TBC1D30: variants seen among roughly 807,000 people sequenced by gnomAD.
TBC1D30 encodes TBC1 domain family member 30.
In TBC1D30, 31 loss-of-function variants were observed where a neutral mutation model predicts 63.2. The observed-to-expected ratio is 0.49, with a 90% CI of 0.37 to 0.66. TBC1D30 has a LOEUF of 0.66. TBC1D30 is among the 30% of genes least tolerant of loss of function. TBC1D30 has a pLI of 0.00. For missense variants in TBC1D30, 810 were observed against 953.6 expected (o/e 0.85, Z 1.98); for synonymous variants, 307 against 361.5 (o/e 0.85, Z 1.71).
At position 64,876,105 on chromosome 12, in the gene TBC1D30, CTTCTG is replaced by C. The variant is rs757714987; in HGVS notation, c.*323_*327del. 70 of 251,440 alleles carry C rather than the reference CTTCTG, an allele frequency of 2.8e-4. No homozygotes were observed. The highest frequency in any genetic ancestry group is 1.6e-3 in the Admixed American group (31 of 19,952). The allele number at this position is 251,440 out of a possible 1,614,324, so 15.6% of individuals were successfully genotyped here. ...TCTAGATTGTTAACTCTCGTCCATC[CTTCTG>C]TTCTGGGGGCCTTCAGAGTCCCTGT... On this transcript the variant is annotated 3_prime_UTR_variant, in exon 12 of 12. Transcript: ENST00000539867.
At chr12:64,774,177 G>A (rs1870996727) in intron 1 of TBC1D30, among the ~76,000 whole-genome samples, 1 of 152,162 alleles carries the variant, frequency 6.6e-6, no homozygotes, top group African/African-American at 2.4e-5. Context: ...TAATCAAGCA[G>A]AGAAAAGAAT....
rs1230292162 is a variant in TBC1D30, at chr12:64,875,445, A to G, written c.1943A>G (p.Asp648Gly). 1 of 1,536,168 alleles carries G rather than the reference A, an allele frequency of 6.5e-7. No individual in the cohort carries two copies. Among genetic ancestry groups the G allele is most frequent in the Non-Finnish European group, 8.7e-7 (1 of 1,146,922 alleles). ...CCGGTGTTCGGAGATGCTGATGTGG[A>G]TGTGTCTGCAGTTCAGGCGAAGTTG... ...PEPVFGDADV[D>G]VSAVQAKLGA... The change falls in exon 12 of 12, where the codon GAT (aspartate) becomes GGT (glycine). Residue 648 changes from aspartate to glycine, a missense_variant. This residue lies in a region of TBC1D30 where 450 missense variants were observed against 473.0 expected (regional missense o/e 0.95). Coordinates refer to ENST00000539867, the MANE Select transcript of TBC1D30 (RefSeq NM_015279.2).
intron 1 of TBC1D30, among the ~76,000 whole-genome samples, chr12:64,760,330 G>A (rs1008734526): frequency 6.6e-6 from 1 of 152,056 alleles, no homozygotes; most frequent in Admixed American, 6.5e-5. Context: ...AGCACTTTGG[G>A]AGGCGGGTGG....
chr12:64,840,202 T>C (rs115450364), intron 7 of TBC1D30, among the ~76,000 whole-genome samples: 1,541 of 152,278 alleles, frequency 0.01, 27 homozygotes, highest in African/African-American at 0.035. Flanking sequence ...TACCCCCCAA[T>C]AGCTACCTCT....
chr12:64,796,346 C>T (rs568656801), intron 2 of TBC1D30, among the ~76,000 whole-genome samples: 1 of 152,230 alleles, frequency 6.6e-6, no homozygotes, highest in South Asian at 2.1e-4. Context: ...GAAACTCACT[C>T]AGCTGGTTAG....
At position 64,864,786 on chromosome 12, in the gene TBC1D30, GT is replaced by G; in HGVS notation, c.1151+11del. ...AAACCCACCTCAGTTTCTGGGTAAG[GT>G]TTTTAAATTCCTTGTTGTTTTCATG... On this transcript the variant is annotated splice_region_variant and intron_variant, in intron 9 of 11. Transcript: ENST00000539867. 1 of 1,523,214 alleles carries G rather than the reference GT, an allele frequency of 6.6e-7. No individual in the cohort carries two copies. Among genetic ancestry groups the G allele is most frequent in the Non-Finnish European group, 8.8e-7 (1 of 1,135,966 alleles). 94.4% of individuals were successfully genotyped at this position (1,523,214 alleles called of 1,614,324 possible). A position where few individuals can be genotyped will look rare whatever the true frequency, so the allele number is the denominator to read the frequency against.
rs1210136394 is a variant in TBC1D30, at chr12:64,875,773, C to G, written c.2271C>G (p.Gly757=). The part of the protein sequence containing the change: ...SFSKPGGGNS[G]TKKR The stretch of plus-strand genomic sequence containing the variant: ...GCAAACCCGGCGGTGGAAACAGTGG[C>G]ACTAAAAAACGATGATGTCTCCCCG... Residue 757 remains glycine (G), a synonymous_variant, in exon 12 of 12, where the codon GGC becomes GGG. Coordinates refer to ENST00000539867, the MANE Select transcript of TBC1D30 (RefSeq NM_015279.2). 1.8e-5 allele frequency: 28 copies of G among 1,529,144 alleles called. No individual in the cohort carries two copies. The highest frequency in any genetic ancestry group is 2.4e-5 in the Non-Finnish European group (27 of 1,143,870). The allele number at this position is 1,529,144 out of a possible 1,614,324, so 94.7% of individuals were successfully genotyped here. A position where few individuals can be genotyped will look rare whatever the true frequency, so the allele number is the denominator to read the frequency against.
intron 2 of TBC1D30, among the ~76,000 whole-genome samples, chr12:64,807,937 T>A (rs1872980181): frequency 6.7e-6 from 1 of 148,382 alleles, no homozygotes; most frequent in Non-Finnish European, 1.5e-5. Flanking sequence ...TTTTTTTTTG[T>A]AGAGCTGGGG....
At chr12:64,792,142 G>A (rs1333506325) in intron 2 of TBC1D30, among the ~76,000 whole-genome samples, 4 of 152,140 alleles carry the variant, frequency 2.6e-5, no homozygotes, top group Non-Finnish European at 5.9e-5. Flanking sequence ...TCATAAACAA[G>A]AGAATGTAAT....
intron 1 of TBC1D30, among the ~76,000 whole-genome samples, chr12:64,761,131 T>A (rs956485587): frequency 2.6e-5 from 4 of 152,222 alleles, no homozygotes; most frequent in Non-Finnish European, 4.4e-5. Context: ...CTAGGCCAAT[T>A]TTTCAAGCTG....
chr12:64,868,610 G>A, intron 10 of TBC1D30: 1 of 322,792 alleles, frequency 3.1e-6, no homozygotes, highest in Non-Finnish European at 5.9e-6. Context: ...TCAGGTGCTT[G>A]ATCTTCAGCT....
intron 8 of TBC1D30, among the ~76,000 whole-genome samples, chr12:64,850,219 C>G (rs1876749173): frequency 6.6e-6 from 1 of 152,186 alleles, no homozygotes; most frequent in Non-Finnish European, 1.5e-5. Flanking sequence ...CATCTGCAAA[C>G]AGAAACAATT....
intron 1 of TBC1D30, among the ~76,000 whole-genome samples, chr12:64,784,068 C>T (rs1436828072): frequency 6.6e-6 from 1 of 151,564 alleles, no homozygotes; most frequent in Non-Finnish European, 1.5e-5. Flanking sequence ...ATCATATTTT[C>T]ATTTAACTTA....
At chr12:64,837,305 A>G (rs1392857103) in intron 6 of TBC1D30, among the ~76,000 whole-genome samples, 2 of 152,164 alleles carry the variant, frequency 1.3e-5, no homozygotes, top group Non-Finnish European at 2.9e-5. Context: ...AAGCATATTT[A>G]TTGTGTACTT....
chr12:64,827,131 C>G (rs977875640), intron 1 of TBC1D30, among the ~76,000 whole-genome samples: 7 of 152,080 alleles, frequency 4.6e-5, no homozygotes, highest in African/African-American at 1.7e-4. Flanking sequence ...ATTTCTTGGT[C>G]CTTGAACTTT....
In TBC1D30 at chr12:64,846,077, G is replaced by A. The variant is rs1876353014; in HGVS notation, c.1038+2592G>A. On this transcript the variant is annotated intron_variant, in intron 8 of 11. Coordinates refer to ENST00000539867, the MANE Select transcript of TBC1D30 (RefSeq NM_015279.2). ...TTATAAGATTATAAGAGTTATTTGA[G>A]CTACTTGAATATTCTGGTTATTAAT... 2.0e-5 allele frequency among the ~76,000 whole-genome samples: 3 copies of A among 151,590 alleles called. No individual in the cohort carries two copies. The South Asian group carries it at 6.3e-4, about 32-fold the overall frequency.
In TBC1D30 at chr12:64,784,870, T is replaced by TA. The variant is rs5798754; in HGVS notation, c.479-998dup. ...TCCTGGAACTTAAAGTAAAATAAAG[T>TA]AAAAAAAAAAAAACTGCTGTTGTGA... is the stretch of plus-strand genomic sequence containing the variant. On this transcript the variant is annotated intron_variant, in intron 1 of 12. Coordinates refer to the TBC1D30 transcript ENST00000542120. 1.9e-3 allele frequency among the ~76,000 whole-genome samples: 280 copies of TA among 148,020 alleles called. 1 individual carries two copies. Among genetic ancestry groups the TA allele is most frequent in the East Asian group, 8.9e-3 (45 of 5,076 alleles).
chr12:64,875,747 A>G lies in TBC1D30; in HGVS notation c.2245A>G (p.Ser749Gly). The G allele has an allele frequency of 6.5e-7, 1 of 1,534,376 alleles. No individual in the cohort carries two copies. The highest frequency in any genetic ancestry group is 1.4e-5 in the African/African-American group (1 of 72,984). The change falls in exon 12 of 12, where the codon AGC becomes GGC. Residue 749 changes from serine to glycine, a missense_variant. Around this residue, in one of 4 missense-constraint regions of TBC1D30, gnomAD observed 450 missense variants for 473.0 expected, o/e 0.95. Transcript: ENST00000539867. ...VHFPQMSRSF[S>G]KPGGGNSGTK... ...CTTTCCTCAAATGAGTAGGAGCTTC[A>G]GCAAACCCGGCGGTGGAAACAGTGG...
At chr12:64,838,212 A>C (rs1197713151) in intron 6 of TBC1D30, among the ~76,000 whole-genome samples, 2 of 152,146 alleles carry the variant, frequency 1.3e-5, no homozygotes, top group Non-Finnish European at 2.9e-5. Flanking sequence ...TTTCTAGTTT[A>C]ACTCCACTGT....
Sources: gnomAD v4.1 joint callset for allele counts (sites outside exome capture counted in the v4.1 genomes callset) on GRCh38, gnomAD v4.1.1 for gene constraint, gnomAD v4.1.1 regional missense constraint, MANE v1.5 for transcripts, NCBI Gene and HGNC (gene_info 2026-07-23, HGNC 2026-07-21) for gene names.